The following ABCA4 variants were observed in gnomAD, a reference collection of about 807,000 sequenced individuals.
ABCA4 encodes the protein ATP binding cassette subfamily A member 4.
ABCA4 carries 196 observed loss-of-function variants against 263.7 expected under a neutral mutation model. That is an observed-to-expected ratio of 0.74 (90% CI 0.66 to 0.84). ABCA4 has a LOEUF of 0.84. Ranked by LOEUF, ABCA4 falls within the 40% of genes least tolerant of loss-of-function variation. The probability of loss-of-function intolerance (pLI) is 0.00; values close to 1 mark genes in which losing one functional copy is unlikely to be tolerated. For missense variants in ABCA4, 2,792 were observed against 2,855.1 expected, an observed-to-expected ratio of 0.98 and a Z score of 0.50; for synonymous variants, 1,133 against 1,094.2, an observed-to-expected ratio of 1.04 and a Z score of -0.70.
chr1:94,039,566 G>C (rs901685772), intron 24 of ABCA4, among the ~76,000 whole-genome samples: 1 of 152,194 alleles, frequency 6.6e-6, no homozygotes, highest in African/African-American at 2.4e-5. Flanking sequence ...CTGGGAAATT[G>C]GGAAGCTGAG....
chr1:94,101,492 A>G (rs577191707), intron 5 of ABCA4, among the ~76,000 whole-genome samples: 9 of 152,316 alleles, frequency 5.9e-5, no homozygotes, highest in South Asian at 2.1e-4. Context: ...AAGCCAGAAA[A>G]GCAGGTATGA....
In ABCA4 at chr1:93,993,252, G is replaced by A; in HGVS notation, c.6817-10C>T. On this transcript the variant is annotated splice_polypyrimidine_tract_variant and intron_variant, in intron 49 of 49. Transcript: ENST00000370225. Reference sequence around the variant, plus strand: ...GTGTGAAAGATCAGTCCTGTGGAAGGAGATCACATGGACTCGCGTCATCTT... The same window carrying A: ...GTGTGAAAGATCAGTCCTGTGGAAGAAGATCACATGGACTCGCGTCATCTT... The A allele has an allele frequency of 6.2e-7, 1 of 1,613,866 alleles. No individual in the cohort carries two copies. The highest frequency in any genetic ancestry group is 8.5e-7 in the Non-Finnish European group (1 of 1,179,846).
chr1:94,047,247 G>C (rs1012124001), intron 18 of ABCA4, among the ~76,000 whole-genome samples, 154 bp from the exon 19 acceptor site: 1 of 152,164 alleles, frequency 6.6e-6, no homozygotes, highest in East Asian at 1.9e-4. Flanking sequence ...AATAATAATA[G>C]TAATACTAGC....
rs149177551 is a variant in ABCA4, at chr1:94,066,263, C to T, written c.1555-2946G>A. On this transcript the variant is annotated intron_variant, in intron 11 of 49. Coordinates refer to ENST00000370225, the MANE Select transcript of ABCA4 (RefSeq NM_000350.3). ...AAGGATTGACAGTGTGATGCTTGGG[C>T]CAGGGGGCTTCTGAACTGAACTGCT... Among the ~76,000 whole-genome samples the T allele has an allele frequency of 1.6e-4, 24 of 152,246 alleles. No individual in the cohort carries two copies. The East Asian group carries it at 4.6e-3, about 29-fold the overall frequency.
chr1:94,003,109 A>G (rs1182535414), intron 44 of ABCA4, among the ~76,000 whole-genome samples: 1 of 152,168 alleles, frequency 6.6e-6, no homozygotes, highest in African/African-American at 2.4e-5. Context: ...TTACATAACC[A>G]CAGTACATTA....
chr1:94,030,544 T>A lies in ABCA4; in HGVS notation c.4254-18A>T. 1 of 1,611,810 alleles carries A rather than the reference T, an allele frequency of 6.2e-7. No homozygotes were observed. Among genetic ancestry groups the A allele is most frequent in the South Asian group, 1.1e-5 (1 of 91,042 alleles). ...CATCCATGCTAGACAGAGTGAGACA[T>A]GTGACTGGGACAGAGCAGGCGCGTG... On this transcript the variant is annotated intron_variant, in intron 28 of 49. Coordinates refer to ENST00000370225, the MANE Select transcript of ABCA4 (RefSeq NM_000350.3).
intron 26 of ABCA4, among the ~76,000 whole-genome samples, chr1:94,035,866 T>C (rs1195183365): frequency 6.6e-6 from 1 of 152,198 alleles, no homozygotes; most frequent in East Asian, 1.9e-4. Flanking sequence ...TGTGTGGCTG[T>C]GGGTTTGATA....
chr1:94,012,049 T>C (rs1349991440), intron 38 of ABCA4, among the ~76,000 whole-genome samples: 2 of 152,220 alleles, frequency 1.3e-5, no homozygotes, highest in African/African-American at 4.8e-5. Context: ...GGACTTGGCA[T>C]GTTGGGCAGA....
In ABCA4 at chr1:94,044,554, G is replaced by A; in HGVS notation, c.3050+59C>T. On this transcript the variant is annotated intron_variant, in intron 20 of 49. Transcript: ENST00000370225. ...CCCCTGAGCTGGGCTCTAGAGAAGTGTGCTGGGGGCAGAGGTGAGGAGAGG... is the reference window on the plus strand; with the variant it reads ...CCCCTGAGCTGGGCTCTAGAGAAGTATGCTGGGGGCAGAGGTGAGGAGAGG... 6 of 1,613,818 alleles carry A rather than the reference G, an allele frequency of 3.7e-6. No homozygotes were observed. The South Asian group carries it at 4.4e-5, about 12-fold the overall frequency.
chr1:94,026,207 T>G (rs192112002), intron 30 of ABCA4, among the ~76,000 whole-genome samples: 49 of 151,852 alleles, frequency 3.2e-4, no homozygotes, highest in African/African-American at 1.1e-3. Context: ...TTCATACACT[T>G]TCTATCTCCT....
At chr1:94,010,615 A>G (rs762957014) in intron 40 of ABCA4, 185 bp downstream of exon 40, 3 of 803,732 alleles carry the variant, frequency 3.7e-6, no homozygotes, top group Non-Finnish European at 6.3e-6. Context: ...TGCTCTTCAC[A>G]TATTTGAATG....
chr1:94,017,747 G>C (rs889329069), intron 36 of ABCA4, among the ~76,000 whole-genome samples: 12 of 152,094 alleles, frequency 7.9e-5, no homozygotes, highest in African/African-American at 2.7e-4. Context: ...CAGGAAGAGA[G>C]AAATAAATGA....
intron 18 of ABCA4, among the ~76,000 whole-genome samples, chr1:94,048,417 T>C (rs1367980832): frequency 6.6e-6 from 1 of 152,242 alleles, no homozygotes; most frequent in Non-Finnish European, 1.5e-5. Flanking sequence ...TTTCAATGAA[T>C]GGCCTTCTAG....
In ABCA4 at chr1:94,099,011, C is replaced by T; in HGVS notation, c.571-20G>A. ...AGCGAACTGCAGGGAGAAGAGGCAA[C>T]ACTAGAAACTGCCCTGTGGTAGGAA... On this transcript the variant is annotated intron_variant, in intron 5 of 49. Coordinates refer to ENST00000370225, the MANE Select transcript of ABCA4 (RefSeq NM_000350.3). The T allele has an allele frequency of 6.3e-7, 1 of 1,596,720 alleles. No homozygotes were observed.
chr1:94,045,313 GT>G (rs144315488), intron 19 of ABCA4, among the ~76,000 whole-genome samples: 2 of 145,618 alleles, frequency 1.4e-5, no homozygotes, highest in Admixed American at 6.9e-5. Context: ...CAGAGCAATG[GT>G]GGGCTTTTTT....
chr1:94,098,946 T>G lies in ABCA4; in HGVS notation c.616A>C (p.Ser206Arg), dbSNP rs1401738025. The G allele has an allele frequency of 6.2e-7, 1 of 1,612,658 alleles. No individual in the cohort carries two copies. The highest frequency in any genetic ancestry group is 8.5e-7 in the Non-Finnish European group (1 of 1,180,002). ...ATGAAGCGCTCCAGGAGGGCCTCGC[T>G]GCAGGCGATGTCCTTCAGCGCCAGG... ...PDLALKDIAC[S>R]EALLERFIIF... The change falls in exon 6 of 50, where the codon AGC becomes CGC. Residue 206 changes from serine (S) to arginine (R), a missense_variant. Transcript: ENST00000370225.
At chr1:94,109,007 C>A (rs1220287550) in intron 3 of ABCA4, among the ~76,000 whole-genome samples, 1 of 152,090 alleles carries the variant, frequency 6.6e-6, no homozygotes, top group African/African-American at 2.4e-5. Flanking sequence ...CTCCTGACCT[C>A]GTGATCCACC....
At chr1:94,054,563 G>A (rs1179501513) in intron 16 of ABCA4, among the ~76,000 whole-genome samples, 1 of 152,214 alleles carries the variant, frequency 6.6e-6, no homozygotes, top group South Asian at 2.1e-4. Context: ...CTTCTGGCAT[G>A]AGAACAGCAG....
intron 44 of ABCA4, among the ~76,000 whole-genome samples, chr1:94,004,535 T>C (rs898056547): frequency 1.3e-5 from 2 of 152,212 alleles, no homozygotes; most frequent in African/African-American, 4.8e-5. Context: ...AAACACTGTG[T>C]TCAGCAGTTG....
Sources: allele counts gnomAD v4.1 joint callset (sites outside exome capture counted in the v4.1 genomes callset), GRCh38; gene constraint gnomAD v4.1.1; transcripts MANE v1.5; gene names NCBI Gene and HGNC (gene_info 2026-07-23, HGNC 2026-07-21).